IFFO2: variants seen among roughly 807,000 people sequenced by gnomAD.
The protein encoded by IFFO2 is intermediate filament family orphan 2.
A neutral mutation model predicts 53.5 loss-of-function variants in IFFO2; 19 were observed. The observed-to-expected ratio is 0.36, with a 90% CI of 0.25 to 0.52. IFFO2 has a LOEUF of 0.52. IFFO2 is among the 20% of genes least tolerant of loss of function. The pLI is 0.94. For missense variants in IFFO2, 570 were observed against 727.4 expected (o/e 0.78, Z 2.49); for synonymous variants, 303 against 313.6 (o/e 0.97, Z 0.36).
At chr1:18,910,296 C>T (rs779932694) in intron 8 of IFFO2, 46 bp downstream of exon 8, 1 of 1,561,722 alleles carries the variant, frequency 6.4e-7, no homozygotes, top group African/African-American at 1.4e-5. Flanking sequence ...GGGAATTCCC[C>T]TCCAAGGATG....
At chr1:18,929,742 G>A (rs571467395) in intron 1 of IFFO2, among the ~76,000 whole-genome samples, 15 of 152,296 alleles carry the variant, frequency 9.8e-5, no homozygotes, top group South Asian at 2.1e-4. Flanking sequence ...TTCAGGCAAC[G>A]AGGCAGCAGC....
At chr1:18,920,029 C>A (rs1014283027) in intron 2 of IFFO2, among the ~76,000 whole-genome samples, 2 of 152,362 alleles carry the variant, frequency 1.3e-5, no homozygotes, top group Middle Eastern at 3.4e-3. Flanking sequence ...GGTTAATTAA[C>A]AAGCAATCCT....
At chr1:18,911,546 T>C (rs188797427) in intron 6 of IFFO2, 70 bp from the exon 7 acceptor site, 3 of 695,812 alleles carry the variant, frequency 4.3e-6, no homozygotes, top group Non-Finnish European at 5.9e-6. Context: ...TTTATTTATT[T>C]ATTTATTCTT....
At position 18,908,392 on chromosome 1, in the gene IFFO2, T is replaced by G; in HGVS notation, c.*169A>C. The G allele has an allele frequency of 1.7e-6, 1 of 588,844 alleles. No homozygotes were observed. Among genetic ancestry groups the G allele is most frequent in the Non-Finnish European group, 3.1e-6 (1 of 327,150 alleles). 36.5% of individuals were successfully genotyped at this position (588,844 alleles called of 1,614,324 possible). On this transcript the variant is annotated 3_prime_UTR_variant, in exon 9 of 9. Coordinates refer to ENST00000455833, the MANE Select transcript of IFFO2 (RefSeq NM_001136265.2). ...GGAGACGGGGCACCCGTTGGTGGTG[T>G]GGAAGGAAGGAAGGAAGCAGCAGTC...
intron 1 of IFFO2, among the ~76,000 whole-genome samples, chr1:18,932,977 T>C (rs1936398495): frequency 6.6e-6 from 1 of 152,238 alleles, no homozygotes; most frequent in Non-Finnish European, 1.5e-5. Context: ...CAGCCCAGAA[T>C]ATCTCCCACA....
At chr1:18,933,524 C>T (rs1386526594) in intron 1 of IFFO2, among the ~76,000 whole-genome samples, 1 of 152,182 alleles carries the variant, frequency 6.6e-6, no homozygotes, top group East Asian at 1.9e-4. Context: ...CCTGTAATCC[C>T]AGCACTTTGG....
intron 1 of IFFO2, among the ~76,000 whole-genome samples, chr1:18,946,276 T>C (rs1282487080): frequency 6.6e-6 from 1 of 152,120 alleles, no homozygotes; most frequent in Non-Finnish European, 1.5e-5. Context: ...ATTACTTCCA[T>C]TTCATAGAAG....
In IFFO2 at chr1:18,912,614, G is replaced by T. The variant is rs139571207; in HGVS notation, c.1104-531C>A. ...CCTACAGCTTTTTCCTCCCCATCAA[G>T]ACACTCCCCAAGCACCCATTAGGTG... On this transcript the variant is annotated intron_variant, in intron 5 of 8. Coordinates refer to ENST00000455833, the MANE Select transcript of IFFO2 (RefSeq NM_001136265.2). Among the ~76,000 whole-genome samples, 8 of 152,222 alleles carry T rather than the reference G, an allele frequency of 5.3e-5. No individual in the cohort carries two copies. The East Asian group carries it at 1.5e-3, about 29-fold the overall frequency.
At position 18,908,678 on chromosome 1, in the gene IFFO2, AAG is replaced by A. The variant is rs1370533456; in HGVS notation, c.1449-14_1449-13del. ...GGGACGGTGAATTCCTGAGAAGCAC[AAG>A]AGAGTGGGGAAATTCAGAGAGCAGC... is the stretch of plus-strand genomic sequence containing the variant. On this transcript the variant is annotated splice_polypyrimidine_tract_variant and intron_variant, in intron 8 of 8. Transcript: ENST00000455833. The A allele has an allele frequency of 2.6e-6, 4 of 1,544,186 alleles. No individual in the cohort carries two copies. The African/African-American group carries it at 5.5e-5, about 21-fold the overall frequency.
chr1:18,956,354 GC>G lies in IFFO2; in HGVS notation c.-23del, dbSNP rs2148196903. 2 of 244,892 alleles carry G rather than the reference GC, an allele frequency of 8.2e-6. No individual in the cohort carries two copies. Among genetic ancestry groups the G allele is most frequent in the South Asian group, 2.3e-4 (2 of 8,598 alleles). 15.2% of individuals were successfully genotyped at this position (244,892 alleles called of 1,614,324 possible). On this transcript the variant is annotated 5_prime_UTR_variant, in exon 1 of 9. Coordinates refer to ENST00000455833, the MANE Select transcript of IFFO2 (RefSeq NM_001136265.2). This position sits in a 1 kb window ranked among gnomAD's most constrained non-coding sequence, Gnocchi z 6.4. ...CCATGCGCCGGCTGCGCGGCTCAGGGCCCCGGGCCCGCGGCTCCAGGTGCGG... is the reference window on the plus strand; with the variant it reads ...CCATGCGCCGGCTGCGCGGCTCAGGGCCCGGGCCCGCGGCTCCAGGTGCGG...
chr1:18,924,588 C>T (rs1213294031), intron 1 of IFFO2, among the ~76,000 whole-genome samples: 4 of 152,206 alleles, frequency 2.6e-5, no homozygotes, highest in Non-Finnish European at 5.9e-5. Flanking sequence ...GCTGAGCAAA[C>T]GACTTGCCCA....
intron 1 of IFFO2, among the ~76,000 whole-genome samples, chr1:18,937,130 G>T (rs950230439): frequency 2.0e-5 from 3 of 152,202 alleles, no homozygotes; most frequent in Admixed American, 6.5e-5. Flanking sequence ...CTGCCATGCC[G>T]CTGGTAAGGG....
intron 1 of IFFO2, among the ~76,000 whole-genome samples, chr1:18,933,237 T>G (rs1936402613): frequency 6.6e-6 from 1 of 152,220 alleles, no homozygotes; most frequent in Admixed American, 6.5e-5. Flanking sequence ...GGGCACTGGC[T>G]GCCTTGTGCC....
At chr1:18,921,243 G>C in intron 1 of IFFO2, 122 bp from the exon 2 acceptor site, 1 of 848,470 alleles carries the variant, frequency 1.2e-6, no homozygotes, top group African/African-American at 1.7e-5. Context: ...GGTGCATTGG[G>C]GCATCCATCC....
At chr1:18,939,328 C>T (rs1275710644) in intron 1 of IFFO2, among the ~76,000 whole-genome samples, 1 of 152,216 alleles carries the variant, frequency 6.6e-6, no homozygotes, top group Non-Finnish European at 1.5e-5. Context: ...AGGCCAGAGG[C>T]CACCGGCCAC....
chr1:18,947,619 TC>T lies in IFFO2; in HGVS notation c.665+8048del, dbSNP rs1936607136. On this transcript the variant is annotated intron_variant, in intron 1 of 8. Transcript: ENST00000455833. This position sits in a 1 kb window ranked among gnomAD's most constrained non-coding sequence, Gnocchi z 5.0. ...GACCGCGTGGAAATCACCAGACGGG[TC>T]ATAATATGTGTTCCCTGTTCCCCAA... Among the ~76,000 whole-genome samples the T allele has an allele frequency of 6.6e-6, 1 of 151,762 alleles. No individual in the cohort carries two copies. The highest frequency in any genetic ancestry group is 6.6e-5 in the Admixed American group (1 of 15,266).
chr1:18,921,752 G>A (rs1045366751), intron 1 of IFFO2, among the ~76,000 whole-genome samples: 1 of 152,132 alleles, frequency 6.6e-6, no homozygotes, highest in Admixed American at 6.5e-5. Flanking sequence ...AATAAATACA[G>A]TTCCCACTGA....
rs1557635615 is a variant in IFFO2, at chr1:18,906,969, G to A, written c.*1592C>T. On this transcript the variant is annotated 3_prime_UTR_variant, in exon 9 of 9. Coordinates refer to ENST00000455833, the MANE Select transcript of IFFO2 (RefSeq NM_001136265.2). Reference sequence around the variant, plus strand: ...TTTTTAAGACTGTAACACAGGTGGGGGAAACAGAAAAGAGAGAAGAGCCTT... The same window carrying A: ...TTTTTAAGACTGTAACACAGGTGGGAGAAACAGAAAAGAGAGAAGAGCCTT... 2.0e-5 allele frequency: 3 copies of A among 152,164 alleles called. No individual in the cohort carries two copies. Among genetic ancestry groups the A allele is most frequent in the South Asian group, 2.1e-4 (1 of 4,822 alleles). The allele number at this position is 152,164 out of a possible 1,614,324, so 9.4% of individuals were successfully genotyped here.
chr1:18,909,963 C>T lies in IFFO2; in HGVS notation c.1448+379G>A, dbSNP rs568528586. ...ATGGGAAAGGAAGGGAAATCACTTC[C>T]TGTGAGCAAATGGGAGCATGCCCTG... On this transcript the variant is annotated intron_variant, in intron 8 of 8. Coordinates refer to ENST00000455833, the MANE Select transcript of IFFO2 (RefSeq NM_001136265.2). Among the ~76,000 whole-genome samples, 27 of 152,272 alleles carry T rather than the reference C, an allele frequency of 1.8e-4. 1 individual carries two copies. The highest frequency in any genetic ancestry group is 3.4e-3 in the Middle Eastern group (1 of 294).
Sources: allele counts gnomAD v4.1 joint callset (sites outside exome capture counted in the v4.1 genomes callset), GRCh38; gene constraint gnomAD v4.1.1; non-coding constraint Gnocchi (gnomAD v3.1); transcripts MANE v1.5; gene names NCBI Gene and HGNC (gene_info 2026-07-23, HGNC 2026-07-21).